AFDN: variants seen among roughly 807,000 people sequenced by gnomAD.
AFDN encodes the protein afadin.
Under a neutral mutation model 216.6 loss-of-function variants are expected in AFDN, and 68 were observed. That is an observed-to-expected ratio of 0.31 (90% CI 0.26 to 0.38). AFDN has a LOEUF of 0.38. Among genes scored for constraint, AFDN ranks in the 10% least tolerant of loss-of-function variants. AFDN has a pLI of 1.00. For missense variants in AFDN, 2,136 were observed against 2,342.0 expected, an observed-to-expected ratio of 0.91 and a Z score of 1.82; for synonymous variants, 868 against 853.7, an observed-to-expected ratio of 1.02 and a Z score of -0.29.
chr6:167,948,896 G>T (rs1268251891), intron 29 of AFDN, among the ~76,000 whole-genome samples: 2 of 152,226 alleles, frequency 1.3e-5, no homozygotes, highest in African/African-American at 4.8e-5. Context: ...AGGGGATGGA[G>T]CTTCTCAGTC....
chr6:167,947,501 GGTT>G (rs2128658507), intron 27 of AFDN, among the ~76,000 whole-genome samples: 1 of 152,254 alleles, frequency 6.6e-6, no homozygotes, highest in Non-Finnish European at 1.5e-5. Context: ...ATTTTTAAAG[GGTT>G]GTTAACAAAG....
intron 31 of AFDN, chr6:167,963,060 CATG>C: frequency 2.8e-6 from 3 of 1,069,672 alleles, no homozygotes; most frequent in Non-Finnish European, 3.4e-6. Context: ...GCTTAGAAAA[CATG>C]ATACAGGAAA....
chr6:167,939,620 G>A (rs558156201), intron 23 of AFDN, among the ~76,000 whole-genome samples: 108 of 152,256 alleles, frequency 7.1e-4, no homozygotes, highest in South Asian at 6.6e-3. Context: ...CAATACAGGC[G>A]CTCGATGGAT....
intron 7 of AFDN, 31 bp from the exon 8 acceptor site, chr6:167,890,831 T>G (rs781380682): frequency 6.2e-6 from 10 of 1,606,080 alleles, no homozygotes; most frequent in Non-Finnish European, 8.5e-6. Flanking sequence ...AACCTGAGTC[T>G]GCCTGATGAT....
chr6:167,845,667 C>T (rs567056110), intron 1 of AFDN, among the ~76,000 whole-genome samples: 2 of 152,324 alleles, frequency 1.3e-5, no homozygotes, highest in South Asian at 2.1e-4. Flanking sequence ...TGAGCCACCA[C>T]GCCTGGCCTA....
chr6:167,955,684 G>C (rs568531152), intron 30 of AFDN, among the ~76,000 whole-genome samples: 1 of 152,240 alleles, frequency 6.6e-6, no homozygotes, highest in Non-Finnish European at 1.5e-5. Flanking sequence ...TAAGGTTTTT[G>C]TTCCATAGAA....
At chr6:167,859,071 GTTTTTTTTT>G (rs933336720) in intron 1 of AFDN, among the ~76,000 whole-genome samples, 1 of 109,028 alleles carries the variant, frequency 9.2e-6, no homozygotes, top group East Asian at 2.8e-4. Context: ...GGCCGTTCTT[GTTTTTTTTT>G]TTTTTTTTTT....
intron 30 of AFDN, 171 bp downstream of exon 30, chr6:167,952,358 T>G (rs1796094162): frequency 6.7e-7 from 1 of 1,501,458 alleles, no homozygotes; most frequent in African/African-American, 1.4e-5. Flanking sequence ...GAGAAATGAG[T>G]CAGGCCTATA....
At chr6:167,827,363 C>G (rs1215232569) in intron 1 of AFDN, 126 bp downstream of exon 1, 1 of 129,170 alleles carries the variant, frequency 7.7e-6, no homozygotes, top group Non-Finnish European at 1.5e-5. Flanking sequence ...TCCGCCCCTT[C>G]TCTCCCCTCC....
At chr6:167,957,316 C>A (rs1470677161) in intron 30 of AFDN, among the ~76,000 whole-genome samples, 1 of 152,220 alleles carries the variant, frequency 6.6e-6, no homozygotes, top group Admixed American at 6.5e-5. Context: ...TTTGTCTCTT[C>A]TGGGTAGCGC....
chr6:167,870,372 A>G lies in AFDN; in HGVS notation c.302-14A>G. ...CATAGCTTATTCTTTTTTTCATTTC[A>G]TGTTTTGAAGAAGAAAGAAGATTGG... is the stretch of plus-strand genomic sequence containing the variant. On this transcript the variant is annotated splice_polypyrimidine_tract_variant and intron_variant, in intron 2 of 33. Transcript: ENST00000683244. 1 of 1,498,384 alleles carries G rather than the reference A, an allele frequency of 6.7e-7. No homozygotes were observed. The highest frequency in any genetic ancestry group is 1.2e-5 in the South Asian group (1 of 82,840). The allele number at this position is 1,498,384 out of a possible 1,614,324, so 92.8% of individuals were successfully genotyped here. A position where few individuals can be genotyped will look rare whatever the true frequency, so the allele number is the denominator to read the frequency against.
intron 29 of AFDN, 67 bp downstream of exon 29, chr6:167,948,545 C>T (rs1301646679): frequency 2.8e-6 from 4 of 1,432,576 alleles, no homozygotes; most frequent in Middle Eastern, 2.1e-4. Context: ...TTCTGAGACA[C>T]AATTAATATT....
chr6:167,962,654 G>C lies in AFDN; in HGVS notation c.4968+87G>C. 3 of 1,595,096 alleles carry C rather than the reference G, an allele frequency of 1.9e-6. No homozygotes were observed. Among genetic ancestry groups the C allele is most frequent in the Non-Finnish European group, 2.6e-6 (3 of 1,167,010 alleles). On this transcript the variant is annotated intron_variant, in intron 31 of 33. Transcript: ENST00000683244. The surrounding 1 kb of genome is among the most constrained non-coding windows in gnomAD (Gnocchi z 5.2). ...TGGGGCAGAGCGGGCTGGAAGTTCT[G>C]TGTTTCTTAAGAAGCACGAGGCAGA...
At chr6:167,969,302 C>A in intron 33 of AFDN, 104 bp downstream of exon 33, 1 of 856,490 alleles carries the variant, frequency 1.2e-6, no homozygotes, top group South Asian at 1.4e-5. Flanking sequence ...TGGCTTCACT[C>A]TGTGACCTCA....
At chr6:167,853,124 A>G (rs757740072) in intron 1 of AFDN, among the ~76,000 whole-genome samples, 1 of 151,980 alleles carries the variant, frequency 6.6e-6, no homozygotes, top group Non-Finnish European at 1.5e-5. Flanking sequence ...AAAAACTAGG[A>G]GGTATTTATA....
chr6:167,924,773 T>G (rs1436750824), intron 22 of AFDN, among the ~76,000 whole-genome samples: 1 of 152,252 alleles, frequency 6.6e-6, no homozygotes, highest in East Asian at 1.9e-4. Flanking sequence ...TTAAATAGCA[T>G]TTGTGACTAA....
chr6:167,902,250 TAAG>T (rs923175192), intron 11 of AFDN, 64 bp from the exon 12 acceptor site: 4 of 1,173,784 alleles, frequency 3.4e-6, no homozygotes, highest in African/African-American at 3.0e-5. Context: ...CCTTGTGTAT[TAAG>T]AAGAGACTAT....
chr6:167,865,244 A>G (rs139753735), intron 2 of AFDN, among the ~76,000 whole-genome samples: 1,686 of 152,222 alleles, frequency 0.011, 38 homozygotes, highest in African/African-American at 0.039. Context: ...CTCCTTATGT[A>G]TTTAGTAATT....
chr6:167,915,026 C>T (rs534410085), intron 18 of AFDN, 142 bp from the exon 19 acceptor site: 6 of 844,266 alleles, frequency 7.1e-6, no homozygotes, highest in African/African-American at 3.4e-5. Context: ...TCACTGTTTC[C>T]TCTTGGAATG....
Sources: allele counts gnomAD v4.1 joint callset (sites outside exome capture counted in the v4.1 genomes callset), GRCh38; gene constraint gnomAD v4.1.1; non-coding constraint Gnocchi (gnomAD v3.1); transcripts MANE v1.5; gene names NCBI Gene and HGNC (gene_info 2026-07-23, HGNC 2026-07-21).